The following CTNNA3 variants were observed in gnomAD, a reference collection of about 807,000 sequenced individuals.
The protein encoded by CTNNA3 is catenin alpha 3.
In CTNNA3, 76 loss-of-function variants were observed where a neutral mutation model predicts 95.7. The ratio of observed to expected loss-of-function variants is 0.79; its 90% CI spans 0.66 to 0.96. The LOEUF (loss-of-function observed/expected upper bound fraction) is 0.96. Ranked by LOEUF, CTNNA3 falls within the 40% of genes least tolerant of loss-of-function variation. The pLI is 0.00. For missense variants in CTNNA3, 1,191 were observed against 1,089.8 expected, an observed-to-expected ratio of 1.09 and a Z score of -1.31; for synonymous variants, 431 against 374.4, an observed-to-expected ratio of 1.15 and a Z score of -1.74.
rs191184448 is a variant in CTNNA3 at position 66,274,060 on chromosome 10, G to A, written c.1884+6410C>T. Among the ~76,000 whole-genome samples, 45 of 152,230 alleles carry A rather than the reference G, an allele frequency of 3.0e-4. No individual in the cohort carries two copies. The East Asian group carries it at 6.8e-3, about 23-fold the overall frequency. ...CTTGGAAAAGCCAGGCAGGATTTTC[G>A]TAAAGGCTAAAACAAAATCTCTAAG... On this transcript the variant is annotated intron_variant, in intron 13 of 17. Transcript: ENST00000433211.
At chr10:66,054,206 C>T (rs2080025092) in intron 15 of CTNNA3, among the ~76,000 whole-genome samples, 1 of 152,034 alleles carries the variant, frequency 6.6e-6, no homozygotes, top group African/African-American at 2.4e-5. Flanking sequence ...CAAATATCTC[C>T]TTGATATGCT....
chr10:66,881,787 T>A (rs1844861746), intron 7 of CTNNA3, among the ~76,000 whole-genome samples: 1 of 151,834 alleles, frequency 6.6e-6, no homozygotes, highest in African/African-American at 2.4e-5. Context: ...ATAACTCACA[T>A]GGAAACTAAA....
chr10:66,297,773 G>A (rs2091802221), intron 12 of CTNNA3, among the ~76,000 whole-genome samples: 1 of 152,184 alleles, frequency 6.6e-6, no homozygotes, highest in African/African-American at 2.4e-5. Flanking sequence ...AGTGAAACAA[G>A]AATCCTGTAT....
At chr10:65,944,153 A>G (rs2077474566) in intron 17 of CTNNA3, among the ~76,000 whole-genome samples, 1 of 152,264 alleles carries the variant, frequency 6.6e-6, no homozygotes, top group Admixed American at 6.5e-5. Context: ...TGTATGAATT[A>G]GCAGACAATT....
In CTNNA3 at chr10:67,405,155, T is replaced by C. The variant is rs1173983572; in HGVS notation, c.579+116687A>G. On this transcript the variant is annotated intron_variant, in intron 5 of 17. Transcript: ENST00000433211. ...ATTATAAAGCAACTACATAAACAAGTCTGCAAAATAACCAGCTAGCATCAT... is the reference window on the plus strand; with the variant it reads ...ATTATAAAGCAACTACATAAACAAGCCTGCAAAATAACCAGCTAGCATCAT... Among the ~76,000 whole-genome samples the C allele has an allele frequency of 2.6e-5, 4 of 152,114 alleles. No homozygotes were observed. In the East Asian group the frequency reaches 7.8e-4, roughly 29 times the overall value.
intron 10 of CTNNA3, among the ~76,000 whole-genome samples, chr10:66,526,496 T>C (rs933694242): frequency 7.9e-5 from 12 of 152,198 alleles, no homozygotes; most frequent in Non-Finnish European, 1.8e-4. Context: ...CTGACAATTC[T>C]AAATTTAATT....
chr10:66,628,267 A>G (rs983480095), intron 9 of CTNNA3, among the ~76,000 whole-genome samples: 4 of 152,100 alleles, frequency 2.6e-5, no homozygotes, highest in Non-Finnish European at 5.9e-5. Context: ...GGTGAATTCT[A>G]TTTTTTAAAG....
chr10:66,728,931 G>A (rs1020821372), intron 9 of CTNNA3, among the ~76,000 whole-genome samples: 1 of 152,120 alleles, frequency 6.6e-6, no homozygotes, highest in East Asian at 1.9e-4. Context: ...TTTGTATATG[G>A]TATAAGGAAG....
At chr10:67,342,120 T>C (rs1842224493) in intron 5 of CTNNA3, among the ~76,000 whole-genome samples, 1 of 143,422 alleles carries the variant, frequency 7.0e-6, no homozygotes, top group African/African-American at 2.6e-5. Context: ...TTTTTTTTTT[T>C]AGACAGAGTC....
intron 5 of CTNNA3, among the ~76,000 whole-genome samples, chr10:67,498,302 T>G (rs1446670229): frequency 6.6e-6 from 1 of 152,344 alleles, no homozygotes; most frequent in Non-Finnish European, 1.5e-5. Context: ...TATATCTGTT[T>G]TGGTACCAGT....
At chr10:66,043,112 A>G (rs965095046) in intron 15 of CTNNA3, among the ~76,000 whole-genome samples, 2 of 143,366 alleles carry the variant, frequency 1.4e-5, no homozygotes, top group African/African-American at 5.2e-5. Flanking sequence ...AGCAGTAAAC[A>G]TAAGGTAGCT....
intron 16 of CTNNA3, among the ~76,000 whole-genome samples, chr10:65,973,088 G>A (rs993850014): frequency 2.6e-5 from 4 of 152,156 alleles, no homozygotes; most frequent in Non-Finnish European, 4.4e-5. Context: ...TGACAAAGTT[G>A]ACAAAAATAA....
intron 7 of CTNNA3, chr10:66,928,178 T>C (rs766305621): frequency 6.2e-7 from 1 of 1,614,108 alleles, no homozygotes; most frequent in Non-Finnish European, 8.5e-7. Context: ...CATAAAATCA[T>C]CGCGGGCAGC....
intron 7 of CTNNA3, among the ~76,000 whole-genome samples, chr10:67,096,971 T>C (rs1858028833): frequency 6.6e-6 from 1 of 151,946 alleles, no homozygotes; most frequent in African/African-American, 2.4e-5. Flanking sequence ...TGGGTAAGAA[T>C]AGCCAGAATG....
At chr10:66,047,866 C>G (rs931450080) in intron 15 of CTNNA3, among the ~76,000 whole-genome samples, 3 of 152,114 alleles carry the variant, frequency 2.0e-5, no homozygotes, top group Admixed American at 1.3e-4. Flanking sequence ...GCAAGGCAAT[C>G]TCATTCACAA....
intron 10 of CTNNA3, among the ~76,000 whole-genome samples, chr10:66,590,982 A>T (rs1418283106): frequency 1.3e-5 from 2 of 152,128 alleles, no homozygotes; most frequent in Admixed American, 1.3e-4. Flanking sequence ...CGGTTTACTG[A>T]GTGGGAGTGG....
At chr10:66,887,987 A>C (rs1451185584) in intron 7 of CTNNA3, among the ~76,000 whole-genome samples, 1 of 152,174 alleles carries the variant, frequency 6.6e-6, no homozygotes, top group Non-Finnish European at 1.5e-5. Context: ...GACTGTGCAG[A>C]TGTGACTAAT....
At chr10:66,986,356 G>C (rs1850726970) in intron 7 of CTNNA3, among the ~76,000 whole-genome samples, 1 of 152,002 alleles carries the variant, frequency 6.6e-6, no homozygotes. Context: ...AATTAGCCAG[G>C]CATGGTGGCA....
chr10:67,710,682 T>C (rs1841102365), intron 1 of CTNNA3, among the ~76,000 whole-genome samples: 2 of 152,188 alleles, frequency 1.3e-5, no homozygotes. Flanking sequence ...GTAGACACAG[T>C]TACTGTTGTA....
Sources: allele counts gnomAD v4.1 joint callset (sites outside exome capture counted in the v4.1 genomes callset), GRCh38; gene constraint gnomAD v4.1.1; transcripts MANE v1.5; gene names NCBI Gene and HGNC (gene_info 2026-07-23, HGNC 2026-07-21).